The following NUF2 variants were observed in gnomAD, a reference collection of about 807,000 sequenced individuals.
NUF2 encodes kinetochore protein Nuf2.
A neutral mutation model predicts 61.8 loss-of-function variants in NUF2; 34 were observed. The observed-to-expected ratio is 0.55, with a 90% CI of 0.42 to 0.73. NUF2 has a LOEUF of 0.73. Ranked by LOEUF, NUF2 falls within the 30% of genes least tolerant of loss-of-function variation. The pLI, the probability that NUF2 is intolerant of heterozygous loss-of-function variation, is 0.00. For missense variants in NUF2, 445 were observed against 539.1 expected, an observed-to-expected ratio of 0.83 and a Z score of 1.73; for synonymous variants, 172 against 181.6, an observed-to-expected ratio of 0.95 and a Z score of 0.42.
At chr1:163,327,628 A>C in intron 3 of NUF2, 66 bp downstream of exon 3, 1 of 1,016,258 alleles carries the variant, frequency 9.8e-7, no homozygotes, top group Non-Finnish European at 1.6e-6. Flanking sequence ...GTTTTGCTGC[A>C]GTTCTGCTTA....
intron 11 of NUF2, 106 bp downstream of exon 11, chr1:163,345,924 T>C: frequency 1.3e-6 from 1 of 762,708 alleles, no homozygotes; most frequent in Non-Finnish European, 2.1e-6. Context: ...AAAAACAGGG[T>C]CATTCTACAG....
At chr1:163,333,877 T>C (rs1650674697) in intron 5 of NUF2, among the ~76,000 whole-genome samples, 1 of 152,188 alleles carries the variant, frequency 6.6e-6, no homozygotes, top group Non-Finnish European at 1.5e-5. Flanking sequence ...CATACATATA[T>C]TGTGTAGTGG....
intron 5 of NUF2, among the ~76,000 whole-genome samples, 179 bp downstream of exon 5, chr1:163,329,086 T>C (rs1650520834): frequency 6.6e-6 from 1 of 152,072 alleles, no homozygotes; most frequent in African/African-American, 2.4e-5. Flanking sequence ...CTTTTTTTCC[T>C]TTTGAGAGCC....
intron 1 of NUF2, among the ~76,000 whole-genome samples, chr1:163,324,379 G>A (rs982499157): frequency 2.0e-5 from 3 of 152,176 alleles, no homozygotes; most frequent in Non-Finnish European, 4.4e-5. Context: ...AAGTTGCATT[G>A]AGAGTGAATT....
At chr1:163,342,822 T>TAG (rs1359841871) in intron 9 of NUF2, among the ~76,000 whole-genome samples, 2 of 152,202 alleles carry the variant, frequency 1.3e-5, no homozygotes, top group Non-Finnish European at 2.9e-5. Context: ...CATACACATA[T>TAG]AGAGGCACAT....
chr1:163,331,060 G>C (rs1650583165), intron 5 of NUF2, among the ~76,000 whole-genome samples: 1 of 147,398 alleles, frequency 6.8e-6, no homozygotes, highest in Non-Finnish European at 1.5e-5. Flanking sequence ...GCACTGGCTG[G>C]GACTTTTAGT....
intron 8 of NUF2, 48 bp from the exon 9 acceptor site, chr1:163,340,316 A>G (rs1465169415): frequency 1.4e-6 from 2 of 1,421,758 alleles, no homozygotes; most frequent in East Asian, 2.3e-5. Flanking sequence ...GAGTGGCTAA[A>G]TCTAAATGTT....
At chr1:163,348,825 G>A (rs1404776034) in intron 12 of NUF2, 120 bp from the exon 13 acceptor site, 1 of 1,047,706 alleles carries the variant, frequency 9.5e-7, no homozygotes, top group East Asian at 2.4e-5. Flanking sequence ...TATATCTTGA[G>A]AAGAGTTTTA....
rs769684513 is a variant in NUF2 at position 163,325,985 on chromosome 1, A to G, written c.-20-47A>G. ...TATGTTTATTAGTTTCCAGATAATG[A>G]GAACTACTGATCATGTGGTATTTCT... On this transcript the variant is annotated intron_variant, in intron 1 of 13. Coordinates refer to ENST00000271452, the MANE Select transcript of NUF2 (RefSeq NM_145697.3). 1.8e-4 allele frequency: 268 copies of G among 1,451,192 alleles called. 1 individual carries two copies. The highest frequency in any genetic ancestry group is 2.3e-4 in the Non-Finnish European group (246 of 1,047,170). The allele number at this position is 1,451,192 out of a possible 1,614,324, so 89.9% of individuals were successfully genotyped here.
chr1:163,339,672 C>A (rs1454867613), intron 8 of NUF2, among the ~76,000 whole-genome samples, 195 bp downstream of exon 8: 1 of 151,948 alleles, frequency 6.6e-6, no homozygotes, highest in Non-Finnish European at 1.5e-5. Flanking sequence ...TTTTTGTTGG[C>A]AAAGTTTTTT....
intron 8 of NUF2, among the ~76,000 whole-genome samples, chr1:163,339,835 A>C (rs999312206): frequency 6.6e-6 from 1 of 152,146 alleles, no homozygotes; most frequent in South Asian, 2.1e-4. Context: ...AGTACTCAGC[A>C]TCTGTCATAT....
At chr1:163,334,500 G>T (rs1330316811) in intron 5 of NUF2, among the ~76,000 whole-genome samples, 1 of 152,094 alleles carries the variant, frequency 6.6e-6, no homozygotes, top group South Asian at 2.1e-4. Context: ...TTGAGGCCAG[G>T]TGCAGTGACT....
At chr1:163,340,965 C>T (rs1285808762) in intron 9 of NUF2, among the ~76,000 whole-genome samples, 1 of 152,064 alleles carries the variant, frequency 6.6e-6, no homozygotes, top group African/African-American at 2.4e-5. Flanking sequence ...TACATTTCTG[C>T]AACAGGCTGC....
At chr1:163,342,276 C>T (rs951162241) in intron 9 of NUF2, among the ~76,000 whole-genome samples, 2 of 151,968 alleles carry the variant, frequency 1.3e-5, no homozygotes, top group African/African-American at 4.8e-5. Context: ...GTAGTACTTA[C>T]TATGGCTCAA....
At position 163,355,642 on chromosome 1, in the gene NUF2, A is replaced by T. The variant is rs950064991; in HGVS notation, c.*173A>T. ...GATGAATTTAATGTAGGCTTTTATT[A>T]ATTTATAATTAAAATAACTTGTGCA... is the stretch of plus-strand genomic sequence containing the variant. On this transcript the variant is annotated 3_prime_UTR_variant, in exon 14 of 14. Transcript: ENST00000271452. 4.5e-5 allele frequency: 18 copies of T among 404,394 alleles called. No homozygotes were observed. The Admixed American group carries it at 4.8e-4, about 11-fold the overall frequency. The allele number at this position is 404,394 out of a possible 1,614,324, so 25.1% of individuals were successfully genotyped here. A position where few individuals can be genotyped will look rare whatever the true frequency, so the allele number is the denominator to read the frequency against.
chr1:163,336,291 T>A (rs1188175375), intron 5 of NUF2, among the ~76,000 whole-genome samples: 1 of 152,176 alleles, frequency 6.6e-6, no homozygotes, highest in African/African-American at 2.4e-5. Flanking sequence ...TTCTGCAAAC[T>A]CTAAACTCTG....
intron 13 of NUF2, among the ~76,000 whole-genome samples, chr1:163,353,010 C>A (rs1476784464): frequency 6.6e-6 from 1 of 152,170 alleles, no homozygotes; most frequent in Non-Finnish European, 1.5e-5. Flanking sequence ...TCAGTCTATT[C>A]CAAATAATCT....
In NUF2 at chr1:163,347,937, G is replaced by T; in HGVS notation, c.1123G>T (p.Glu375Ter). Residue 375 changes from glutamate (E) to a stop codon, truncating the protein, a stop_gained and splice_region_variant, in exon 12 of 14, where the codon GAG (glutamate) becomes TAG (stop). Transcript: ENST00000271452. LOFTEE classifies it high-confidence loss of function. ...TAAGCAATACAAACGCACAGTAATT[G>T]AGTATGGAGTTGTTTTCAATTTTAG... ...DVKQYKRTVI[E>*]DCNKVQEKRG... The T allele has an allele frequency of 1.3e-6, 2 of 1,517,026 alleles. No homozygotes were observed. Among genetic ancestry groups the T allele is most frequent in the South Asian group, 2.6e-5 (2 of 75,482 alleles). The allele number at this position is 1,517,026 out of a possible 1,614,324, so 94.0% of individuals were successfully genotyped here. A position where few individuals can be genotyped will look rare whatever the true frequency, so the allele number is the denominator to read the frequency against.
chr1:163,322,557 C>T (rs980017887), intron 1 of NUF2, among the ~76,000 whole-genome samples: 15 of 152,184 alleles, frequency 9.9e-5, no homozygotes, highest in African/African-American at 3.4e-4. Context: ...GCATGCATAA[C>T]GCCATCATTG....
Sources: gnomAD v4.1 joint callset for allele counts (sites outside exome capture counted in the v4.1 genomes callset) on GRCh38, gnomAD v4.1.1 for gene constraint, MANE v1.5 for transcripts, NCBI Gene and HGNC (gene_info 2026-07-23, HGNC 2026-07-21) for gene names.